The following IQSEC1 variants were observed in gnomAD, a reference collection of about 807,000 sequenced individuals.
The protein encoded by IQSEC1 is IQ motif and Sec7 domain ArfGEF 1.
In IQSEC1, 31 loss-of-function variants were observed where a neutral mutation model predicts 91.0. The ratio of observed to expected loss-of-function variants is 0.34; its 90% confidence interval spans 0.26 to 0.46. The LOEUF (loss-of-function observed/expected upper bound fraction) is 0.46. Among genes scored for constraint, IQSEC1 ranks in the 20% least tolerant of loss-of-function variants. The pLI, the probability that IQSEC1 is intolerant of heterozygous loss-of-function variation, is 1.00. For missense variants in IQSEC1, 1,388 were observed against 1,575.6 expected (o/e 0.88, Z 2.02); for synonymous variants, 699 against 662.6 (o/e 1.05, Z -0.84).
intron 12 of IQSEC1, among the ~76,000 whole-genome samples, chr3:12,903,495 C>G (rs563131601): frequency 1.3e-5 from 2 of 152,218 alleles, no homozygotes; most frequent in Non-Finnish European, 2.9e-5. Flanking sequence ...TACCACCCCC[C>G]AAAGGGGCCA....
At chr3:12,938,381 C>T (rs1698421499) in intron 2 of IQSEC1, among the ~76,000 whole-genome samples, 1 of 152,180 alleles carries the variant, frequency 6.6e-6, no homozygotes, top group Non-Finnish European at 1.5e-5. Context: ...ACCAGGGAGA[C>T]TGGCTCAGGG....
At chr3:13,191,044 C>A (rs1209696233) in intron 1 of IQSEC1, among the ~76,000 whole-genome samples, 1 of 152,228 alleles carries the variant, frequency 6.6e-6, no homozygotes, top group Non-Finnish European at 1.5e-5. Flanking sequence ...GTCCTGTGGG[C>A]AGGACATACC....
chr3:12,985,681 G>A (rs1327497828), intron 1 of IQSEC1, among the ~76,000 whole-genome samples: 2 of 152,306 alleles, frequency 1.3e-5, no homozygotes, highest in African/African-American at 4.8e-5. Flanking sequence ...TCACTGGATA[G>A]GGGAGGACCA....
chr3:12,978,067 G>A (rs1252564600), intron 1 of IQSEC1, among the ~76,000 whole-genome samples: 4 of 152,266 alleles, frequency 2.6e-5, no homozygotes, highest in Admixed American at 1.3e-4. Context: ...GGTTGGGTAA[G>A]GGGAGTGAAA....
At chr3:13,064,943 C>A (rs548930051) in intron 1 of IQSEC1, among the ~76,000 whole-genome samples, 2 of 152,208 alleles carry the variant, frequency 1.3e-5, no homozygotes, top group African/African-American at 4.8e-5. Flanking sequence ...GGACGGAGAG[C>A]CAGCTAAGGT....
chr3:13,177,292 CT>C (rs1309284116), intron 1 of IQSEC1, among the ~76,000 whole-genome samples: 1 of 152,248 alleles, frequency 6.6e-6, no homozygotes, highest in Non-Finnish European at 1.5e-5. Flanking sequence ...CTGCTCAGAG[CT>C]GGGACCCCAG....
chr3:13,176,387 G>A (rs1482596113), intron 1 of IQSEC1, among the ~76,000 whole-genome samples: 1 of 151,538 alleles, frequency 6.6e-6, no homozygotes, highest in East Asian at 1.9e-4. Flanking sequence ...TCCCCTCTTT[G>A]ACTCTCCAGA....
chr3:13,257,790 T>C (rs1245116477), intron 1 of IQSEC1, among the ~76,000 whole-genome samples: 1 of 152,212 alleles, frequency 6.6e-6, no homozygotes, highest in East Asian at 1.9e-4. Context: ...CATACGCCCC[T>C]GCCACACGGC....
intron 1 of IQSEC1, among the ~76,000 whole-genome samples, chr3:13,225,454 C>T (rs1369302187): frequency 1.3e-5 from 2 of 152,210 alleles, no homozygotes; most frequent in Non-Finnish European, 2.9e-5. Flanking sequence ...GTTTTTCTCT[C>T]TCTGGAACAT....
At chr3:12,919,589 C>T (rs552675553) in intron 6 of IQSEC1, among the ~76,000 whole-genome samples, 1 of 152,360 alleles carries the variant, frequency 6.6e-6, no homozygotes, top group East Asian at 1.9e-4. Flanking sequence ...ACAGCTTTGT[C>T]AGCTCCACAC....
In IQSEC1 at chr3:12,940,843, T is replaced by C. The variant is rs1116553; in HGVS notation, c.318+728A>G. On this transcript the variant is annotated intron_variant, in intron 2 of 13. Coordinates refer to ENST00000613206, the MANE Select transcript of IQSEC1 (RefSeq NM_001134382.3). The surrounding 1 kb of genome is among the most constrained non-coding windows in gnomAD (Gnocchi z 4.4). ...TGGAGGGACTTGGAAGCGAGAGCTC[T>C]TGGCCTCCCCAGGGACCGCTCAGGG... Among the ~76,000 whole-genome samples, 1 of 152,144 alleles carries C rather than the reference T, an allele frequency of 6.6e-6. No homozygotes were observed. The highest frequency in any genetic ancestry group is 2.4e-5 in the African/African-American group (1 of 41,416).
At position 13,102,323 on chromosome 3, in the gene IQSEC1, C is replaced by T. The variant is rs989067257; in HGVS notation, c.303-54801G>A. 2.0e-5 allele frequency among the ~76,000 whole-genome samples: 3 copies of T among 151,996 alleles called. No homozygotes were observed. The East Asian group carries it at 5.8e-4, about 29-fold the overall frequency. ...TAATAAATAACCTCTGCCTTCCATG[C>T]GAACAAACACCCATCCTAGAGCCTG... is the stretch of plus-strand genomic sequence containing the variant. On this transcript the variant is annotated intron_variant, in intron 2 of 15. Transcript: ENST00000648114.
In IQSEC1 at chr3:13,154,460, T is replaced by TATATATATACACACAC. The variant is rs1707052858; in HGVS notation, c.302+9643_302+9644insGTGTGTGTATATATAT. Among the ~76,000 whole-genome samples the TATATATATACACACAC allele has an allele frequency of 6.1e-4, 36 of 59,422 alleles. 8 individuals carry two copies. The highest frequency in any genetic ancestry group is 3.4e-3 in the East Asian group (3 of 876). The allele number at this position is 59,422 out of a possible 152,430, so 39.0% of individuals were successfully genotyped here. ...ATGCATATATATATATATATATATA[T>TATATATATACACACAC]ATATATATATATATATGCAAAAACT... On this transcript the variant is annotated intron_variant, in intron 2 of 15. Coordinates refer to the IQSEC1 transcript ENST00000648114.
upstream of IQSEC1, among the ~76,000 whole-genome samples, chr3:13,076,049 A>G (rs967564257): frequency 6.6e-6 from 1 of 152,222 alleles, no homozygotes; most frequent in Non-Finnish European, 1.5e-5. Flanking sequence ...TGATCACATA[A>G]GAAGTGGAGC....
chr3:12,945,151 G>A (rs1216820882), intron 1 of IQSEC1, among the ~76,000 whole-genome samples: 2 of 152,200 alleles, frequency 1.3e-5, no homozygotes, highest in African/African-American at 4.8e-5. Context: ...GGAGATGGGA[G>A]TGCCTGGCGC....
At chr3:13,169,891 G>T (rs894008185) in intron 1 of IQSEC1, among the ~76,000 whole-genome samples, 2 of 152,196 alleles carry the variant, frequency 1.3e-5, no homozygotes, top group African/African-American at 4.8e-5. Context: ...TGGGAGATTT[G>T]CAGCCTGACA....
Position 12,915,628 on chromosome 3 carries a change from T to C in IQSEC1, c.2126A>G (p.Gln709Arg). ...CCCCACAATGAGCTTCTCCACCTTC[T>C]GCACCTGGGACACATGGTCCTCATT... ...KTNEDHVSQV[Q>R]KVEKLIVGKK... Residue 709 changes from glutamine (Q) to arginine (R), a missense_variant, in exon 7 of 14, where the codon CAG becomes CGG. Physicochemically the swap from Gln to Arg is conservative, Grantham distance 43. Around this residue, in one of 2 missense-constraint regions of IQSEC1, gnomAD observed 1,059 missense variants for 1,317.8 expected, o/e 0.80. Coordinates refer to ENST00000613206, the MANE Select transcript of IQSEC1 (RefSeq NM_001134382.3). 1.2e-6 allele frequency: 2 copies of C among 1,614,162 alleles called. No individual in the cohort carries two copies. Among genetic ancestry groups the C allele is most frequent in the Non-Finnish European group, 1.7e-6 (2 of 1,180,008 alleles).
intron 1 of IQSEC1, among the ~76,000 whole-genome samples, chr3:13,246,811 C>G (rs184958455): frequency 3.9e-5 from 6 of 152,254 alleles, no homozygotes; most frequent in South Asian, 2.1e-4. Flanking sequence ...CTGCACGGAC[C>G]GGGCAGGAAC....
intron 1 of IQSEC1, among the ~76,000 whole-genome samples, chr3:13,277,104 C>CT (rs1337335421): frequency 7.7e-5 from 7 of 90,440 alleles, no homozygotes; most frequent in African/African-American, 4.1e-4. Flanking sequence ...ATTGCTCCTC[C>CT]TTAAAAAAAA....
Sources: gnomAD v4.1 joint callset for allele counts (sites outside exome capture counted in the v4.1 genomes callset) on GRCh38, gnomAD v4.1.1 for gene constraint, gnomAD v4.1.1 regional missense constraint, Gnocchi (gnomAD v3.1) non-coding constraint, MANE v1.5 for transcripts, NCBI Gene and HGNC (gene_info 2026-07-23, HGNC 2026-07-21) for gene names.